Variants in ANKRD27 observed in about 807,000 individuals in gnomAD.
ANKRD27 encodes ankyrin repeat domain-containing protein 27.
A neutral mutation model predicts 129.7 loss-of-function variants in ANKRD27; 112 were observed. The observed-to-expected ratio is 0.86, with a 90% confidence interval of 0.74 to 1.01. ANKRD27 has a LOEUF of 1.01. Among genes scored for constraint, ANKRD27 ranks in the 50% least tolerant of loss-of-function variants. ANKRD27 has a pLI of 0.00. For missense variants in ANKRD27, 1,258 were observed against 1,300.5 expected (o/e 0.97, Z 0.50); for synonymous variants, 516 against 511.2 (o/e 1.01, Z -0.13).
chr19:32,634,866 G>T (rs1309002789), intron 12 of ANKRD27, among the ~76,000 whole-genome samples: 1 of 152,104 alleles, frequency 6.6e-6, no homozygotes, highest in Admixed American at 6.5e-5. Flanking sequence ...ATTGAGCTGA[G>T]ATTGCACCAC....
In ANKRD27 at chr19:32,643,616, G is replaced by C; in HGVS notation, c.541C>G (p.Leu181Val). 5 of 1,613,990 alleles carry C rather than the reference G, an allele frequency of 3.1e-6. No homozygotes were observed. The highest frequency in any genetic ancestry group is 1.1e-5 in the South Asian group (1 of 91,066). ...LRHHIDSANA[L>V]YTKCLQQLLR... Reference sequence around the variant, plus strand: ...AGCTGCTGGAGGCATTTGGTGTAGAGAGCATTCGCTGAGTCCTAAACCACA... The same window carrying C: ...AGCTGCTGGAGGCATTTGGTGTAGACAGCATTCGCTGAGTCCTAAACCACA... Residue 181 changes from leucine (L) to valine (V), a missense_variant, in exon 6 of 29, where the codon CTC becomes GTC. Coordinates refer to ENST00000306065, the MANE Select transcript of ANKRD27 (RefSeq NM_032139.3).
chr19:32,631,317 C>A (rs1772219797), intron 13 of ANKRD27, 85 bp downstream of exon 13: 1 of 1,304,030 alleles, frequency 7.7e-7, no homozygotes, highest in South Asian at 1.2e-5. Context: ...CCATGCCTGG[C>A]CAACCCTGAT....
At chr19:32,654,802 G>C (rs1967488718) in intron 2 of ANKRD27, among the ~76,000 whole-genome samples, 2 of 152,028 alleles carry the variant, frequency 1.3e-5, no homozygotes, top group African/African-American at 2.4e-5. Context: ...TGTTTTTTGA[G>C]ATAGAGTCTT....
intron 17 of ANKRD27, among the ~76,000 whole-genome samples, chr19:32,624,212 C>A (rs549207800): frequency 9.2e-5 from 14 of 151,880 alleles, no homozygotes; most frequent in Non-Finnish European, 8.8e-5. Context: ...ACTAAAAATA[C>A]AAAAATTAGC....
chr19:32,604,071 G>C (rs907661120), intron 25 of ANKRD27, among the ~76,000 whole-genome samples, 192 bp downstream of exon 25: 2 of 152,200 alleles, frequency 1.3e-5, no homozygotes, highest in Non-Finnish European at 2.9e-5. Flanking sequence ...GGTTCCCAGA[G>C]CACCACCTCT....
In ANKRD27 at chr19:32,599,762, C is replaced by CT. The variant is rs1307387465; in HGVS notation, c.2860dup (p.Arg954LysfsTer8). On this transcript the variant is annotated frameshift_variant, in exon 28 of 29. Transcript: ENST00000306065. LOFTEE classifies it high-confidence loss of function. ...ACTTCTATCTCTTGCCATAATCTCC[C>CT]TTGAAGTCTTTCCCCTAAAACCCAA... is the stretch of plus-strand genomic sequence containing the variant. 6.2e-7 allele frequency: 1 copy of CT among 1,613,552 alleles called. No individual in the cohort carries two copies. The highest frequency in any genetic ancestry group is 1.3e-5 in the African/African-American group (1 of 74,926).
intron 2 of ANKRD27, among the ~76,000 whole-genome samples, chr19:32,654,764 T>G (rs902274543): frequency 6.6e-6 from 1 of 151,892 alleles, no homozygotes; most frequent in Admixed American, 6.6e-5. Context: ...CGGGAGGGTT[T>G]TTTGTTTGTT....
In ANKRD27 at chr19:32,625,880, G is replaced by C; in HGVS notation, c.1623C>G (p.His541Gln). The change falls in exon 17 of 29, where the codon CAC becomes CAG. Residue 541 changes from histidine to glutamine, a missense_variant. Transcript: ENST00000306065. ...AACAGCAAGAGCCACTCACGTCCTCGTGGCCGTAGGTGCAGGCCAGGTGGA... is the reference window on the plus strand; with the variant it reads ...AACAGCAAGAGCCACTCACGTCCTCCTGGCCGTAGGTGCAGGCCAGGTGGA... ...TPLHLACTYGHEDCVKALVYY... is the reference protein window; with the variant it reads ...TPLHLACTYGQEDCVKALVYY... 6.3e-7 allele frequency: 1 copy of C among 1,597,158 alleles called. No individual in the cohort carries two copies. The highest frequency in any genetic ancestry group is 8.5e-7 in the Non-Finnish European group (1 of 1,173,458).
At position 32,643,145 on chromosome 19, in the gene ANKRD27, T is replaced by C. The variant is rs2145301142; in HGVS notation, c.760A>G (p.Ile254Val). Residue 254 changes from isoleucine (I) to valine (V), a missense_variant, in exon 9 of 29, where the codon ATT (isoleucine) becomes GTT (valine). By Grantham distance (29) the Ile-to-Val change is conservative (BLOSUM62 3). Transcript: ENST00000306065. ...RSLQDLQQKD[I>V]GVKPEFSFNI... is the part of the protein sequence containing the mutation. ...TACCTGAACTCCGGTTTCACACCAATATCTTTCTGCTGAAGATCTTGAAGG... is the reference window on the plus strand; with the variant it reads ...TACCTGAACTCCGGTTTCACACCAACATCTTTCTGCTGAAGATCTTGAAGG... The C allele has an allele frequency of 6.2e-7, 1 of 1,613,916 alleles. No individual in the cohort carries two copies. Among genetic ancestry groups the C allele is most frequent in the South Asian group, 1.1e-5 (1 of 91,064 alleles).
chr19:32,604,411 A>G lies in ANKRD27; in HGVS notation c.2507T>C (p.Ile836Thr). 6.2e-7 allele frequency: 1 copy of G among 1,606,002 alleles called. No individual in the cohort carries two copies. Among genetic ancestry groups the G allele is most frequent in the Non-Finnish European group, 8.5e-7 (1 of 1,173,528 alleles). The change falls in exon 25 of 29, where the codon ATT becomes ACT. Residue 836 changes from isoleucine (I) to threonine (T), a missense_variant. Coordinates refer to ENST00000306065, the MANE Select transcript of ANKRD27 (RefSeq NM_032139.3). ...GTTGCCCTTATTGTTAGAAGCGTTA[A>G]TGGAGGCCCCGTGCTGGAAAGAGAA... ...VALLLQHGAS[I>T]NASNNKGNTA...
chr19:32,619,069 T>C (rs1568401728), intron 20 of ANKRD27, among the ~76,000 whole-genome samples, 191 bp downstream of exon 20: 1 of 152,136 alleles, frequency 6.6e-6, no homozygotes, highest in African/African-American at 2.4e-5. Context: ...CACCAAAATA[T>C]ACAGCACCGC....
At chr19:32,658,028 G>A (rs183329221) in intron 2 of ANKRD27, among the ~76,000 whole-genome samples, 2 of 152,142 alleles carry the variant, frequency 1.3e-5, no homozygotes, top group Admixed American at 6.6e-5. Context: ...TCCGGCGTCC[G>A]AGAGGCCGCT....
chr19:32,606,009 C>A, intron 23 of ANKRD27, 55 bp from the exon 24 acceptor site: 4 of 1,490,380 alleles, frequency 2.7e-6, no homozygotes, highest in Non-Finnish European at 3.6e-6. Context: ...TCATTTCCTG[C>A]CAGAGAAAAA....
chr19:32,614,289 C>A (rs1390779265), intron 22 of ANKRD27, among the ~76,000 whole-genome samples: 1 of 152,018 alleles, frequency 6.6e-6, no homozygotes, highest in Non-Finnish European at 1.5e-5. Flanking sequence ...GATTTAAAGA[C>A]CAATTCTAAA....
At chr19:32,603,521 G>A (rs1315990858) in intron 25 of ANKRD27, among the ~76,000 whole-genome samples, 6 of 152,150 alleles carry the variant, frequency 3.9e-5, no homozygotes, top group African/African-American at 9.7e-5. Context: ...CAATAATCAC[G>A]ATTCCTACAG....
At chr19:32,602,496 C>T (rs8101356) in intron 25 of ANKRD27, among the ~76,000 whole-genome samples, 29,365 of 152,044 alleles carry the variant, frequency 0.19, 3,545 homozygotes, top group East Asian at 0.33. Flanking sequence ...CGGTGGCTCA[C>T]GCGTGCAATC....
chr19:32,653,023 T>G (rs979462910), intron 2 of ANKRD27, among the ~76,000 whole-genome samples: 1 of 152,178 alleles, frequency 6.6e-6, no homozygotes, highest in Non-Finnish European at 1.5e-5. Context: ...TTCCCCAGGC[T>G]GGATTAAGCA....
chr19:32,618,668 G>A (rs919428618), intron 20 of ANKRD27, among the ~76,000 whole-genome samples: 7 of 152,090 alleles, frequency 4.6e-5, no homozygotes, highest in Non-Finnish European at 8.8e-5. Flanking sequence ...GGACACTATG[G>A]TAGGGTCAGT....
intron 4 of ANKRD27, among the ~76,000 whole-genome samples, 176 bp downstream of exon 4, chr19:32,646,283 A>G (rs1967301411): frequency 6.6e-6 from 1 of 150,622 alleles, no homozygotes; most frequent in Admixed American, 6.6e-5. Context: ...TTTCCAGGCT[A>G]GTTTTGAACT....
Sources: allele counts gnomAD v4.1 joint callset (sites outside exome capture counted in the v4.1 genomes callset), GRCh38; gene constraint gnomAD v4.1.1; transcripts MANE v1.5; gene names NCBI Gene and HGNC (gene_info 2026-07-23, HGNC 2026-07-21).